SAMD5: variants seen among roughly 807,000 people sequenced by gnomAD.
SAMD5 encodes sterile alpha motif domain containing 5.
SAMD5 carries 13 observed loss-of-function variants against 11.3 expected under a neutral mutation model. That is an observed-to-expected ratio of 1.15 (90% CI 0.75 to 1.83). SAMD5 has a LOEUF of 1.83. SAMD5 is among the 40% of genes most tolerant of loss of function. The pLI is 0.00. For synonymous variants in SAMD5, 129 were observed against 111.3 expected, an observed-to-expected ratio of 1.16 and a Z score of -1.00; for missense variants, 255 against 239.1, an observed-to-expected ratio of 1.07 and a Z score of -0.44.
the SAMD5 span, among the ~76,000 whole-genome samples, chr6:147,940,986 T>C: frequency 1.3e-5 from 2 of 152,048 alleles, no homozygotes; most frequent in Non-Finnish European, 2.9e-5. Flanking sequence ...GTATGGTTAA[T>C]TCAATTATGC....
chr6:147,783,162 A>G, the SAMD5 span, among the ~76,000 whole-genome samples: 15 of 152,246 alleles, frequency 9.9e-5, no homozygotes, highest in Middle Eastern at 6.8e-3. Flanking sequence ...GTTTTGTGTG[A>G]CCTAAATATT....
the SAMD5 span, among the ~76,000 whole-genome samples, chr6:147,766,333 T>C: frequency 6.6e-6 from 1 of 151,916 alleles, no homozygotes; most frequent in Admixed American, 6.6e-5. Context: ...ACAACCCAAA[T>C]TAAATGGGCC....
the SAMD5 span, among the ~76,000 whole-genome samples, chr6:147,901,460 T>C: frequency 1.3e-5 from 2 of 152,294 alleles, no homozygotes; most frequent in Admixed American, 1.3e-4. Flanking sequence ...TTCCTAAAGT[T>C]CATTCTGTAT....
intron 1 of SAMD5, among the ~76,000 whole-genome samples, chr6:147,713,893 G>A (rs1388179566): frequency 1.3e-5 from 2 of 151,364 alleles, no homozygotes; most frequent in African/African-American, 2.4e-5. Context: ...CTCTCCTCTT[G>A]TCCCTTCCTC....
chr6:147,816,301 A>AAAAAT, the SAMD5 span, among the ~76,000 whole-genome samples: 9 of 66,364 alleles, frequency 1.4e-4, no homozygotes, highest in African/African-American at 4.1e-4. Context: ...AAAAAAAAAA[A>AAAAAT]ATATATATAT....
chr6:147,663,972 G>C (rs958253408), intron 1 of SAMD5, among the ~76,000 whole-genome samples: 1 of 146,306 alleles, frequency 6.8e-6, no homozygotes, highest in Non-Finnish European at 1.5e-5. Context: ...CACATTTTTA[G>C]TTCTAACAGA....
intron 1 of SAMD5, among the ~76,000 whole-genome samples, chr6:147,670,361 A>C (rs761250395): frequency 3.9e-5 from 6 of 152,216 alleles, no homozygotes; most frequent in Non-Finnish European, 7.3e-5. Context: ...CTTCAGCTTC[A>C]AGTCAGCAGC....
intron 1 of SAMD5, among the ~76,000 whole-genome samples, chr6:147,537,483 T>A (rs1266862063): frequency 6.6e-6 from 1 of 152,136 alleles, no homozygotes; most frequent in African/African-American, 2.4e-5. Context: ...CTGGGCGCGG[T>A]GGCTCAAGCC....
the SAMD5 span, among the ~76,000 whole-genome samples, chr6:147,777,703 T>C: frequency 2.0e-5 from 3 of 152,294 alleles, no homozygotes; most frequent in Non-Finnish European, 4.4e-5. Context: ...CAGCCCTTGG[T>C]AACCTCTCCT....
At chr6:147,916,349 A>G in the SAMD5 span, among the ~76,000 whole-genome samples, 1 of 152,074 alleles carries the variant, frequency 6.6e-6, no homozygotes, top group Admixed American at 6.5e-5. Context: ...CAATGGTTGA[A>G]CTAGTTTACA....
chr6:147,710,955 G>A (rs1350328836), intron 1 of SAMD5, among the ~76,000 whole-genome samples: 1 of 150,786 alleles, frequency 6.6e-6, no homozygotes, highest in Non-Finnish European at 1.5e-5. Context: ...AAGAATATGT[G>A]TGATGAAGGA....
At chr6:147,917,069 C>T in the SAMD5 span, among the ~76,000 whole-genome samples, 1 of 115,980 alleles carries the variant, frequency 8.6e-6, no homozygotes, top group Admixed American at 8.8e-5. Context: ...TGGGTATATA[C>T]CCAGTAATGG....
At chr6:147,776,050 G>T in the SAMD5 span, among the ~76,000 whole-genome samples, 6 of 152,190 alleles carry the variant, frequency 3.9e-5, no homozygotes, top group Non-Finnish European at 8.8e-5. Context: ...TGAAGTCAAA[G>T]TTAACTATAG....
At chr6:147,913,986 C>G in the SAMD5 span, among the ~76,000 whole-genome samples, 4 of 152,126 alleles carry the variant, frequency 2.6e-5, no homozygotes, top group Non-Finnish European at 4.4e-5. Context: ...CTCAAAGGAA[C>G]CAGGGCTCCC....
At chr6:147,843,407 G>T in the SAMD5 span, among the ~76,000 whole-genome samples, 1 of 152,172 alleles carries the variant, frequency 6.6e-6, no homozygotes, top group African/African-American at 2.4e-5. Context: ...TTGTTAAAAT[G>T]TCTGTATGGT....
chr6:147,745,350 T>C, the SAMD5 span, among the ~76,000 whole-genome samples: 1 of 152,148 alleles, frequency 6.6e-6, no homozygotes, highest in Non-Finnish European at 1.5e-5. Context: ...AAAAATTTAA[T>C]GGAAAAAAAT....
chr6:147,904,023 G>C, the SAMD5 span, among the ~76,000 whole-genome samples: 2 of 152,150 alleles, frequency 1.3e-5, no homozygotes, highest in Non-Finnish European at 2.9e-5. Context: ...GAAGCAGACT[G>C]TACAAAATGT....
the SAMD5 span, among the ~76,000 whole-genome samples, chr6:147,909,632 C>CTT: frequency 0.19 from 11,281 of 60,924 alleles, 1,447 homozygotes; most frequent in South Asian, 0.33. Flanking sequence ...TTCTTTCTTT[C>CTT]TCTTTCTTGT....
the SAMD5 span, among the ~76,000 whole-genome samples, chr6:147,845,228 A>G: frequency 6.6e-6 from 1 of 152,200 alleles, no homozygotes; most frequent in South Asian, 2.1e-4. Context: ...CCTTGCCATA[A>G]ACCTCATACC....
Sources: allele counts gnomAD v4.1 joint callset (sites outside exome capture counted in the v4.1 genomes callset), GRCh38; gene constraint gnomAD v4.1.1; transcripts MANE v1.5; gene names NCBI Gene and HGNC (gene_info 2026-07-23, HGNC 2026-07-21).